CCDC171: variants seen among roughly 807,000 people sequenced by gnomAD.
CCDC171 encodes coiled-coil domain-containing protein 171.
CCDC171 carries 177 observed loss-of-function variants against 168.2 expected under a neutral mutation model. The observed-to-expected ratio is 1.05, with a 90% CI of 0.93 to 1.19. CCDC171 has a LOEUF of 1.19. CCDC171 is among the 50% of genes most tolerant of loss of function. The probability of loss-of-function intolerance (pLI) is 0.00; values close to 1 mark genes in which losing one functional copy is unlikely to be tolerated. For missense variants in CCDC171, 1,991 were observed against 1,539.0 expected, an observed-to-expected ratio of 1.29 and a Z score of -4.91; for synonymous variants, 687 against 540.8, an observed-to-expected ratio of 1.27 and a Z score of -3.75.
chr9:15,695,209 T>C (rs750194955), intron 10 of CCDC171, 26 bp from the exon 11 acceptor site: 14 of 1,479,830 alleles, frequency 9.5e-6, no homozygotes, highest in Admixed American at 5.0e-5. Context: ...CGTGACCTTA[T>C]GTGTAATTTT....
At chr9:16,076,167 C>T in the CCDC171 span, among the ~76,000 whole-genome samples, 94 of 152,270 alleles carry the variant, frequency 6.2e-4, no homozygotes, top group Non-Finnish European at 1.1e-3. Context: ...AGGGCTTGAG[C>T]GTTGCTCTGC....
intron 3 of CCDC171, among the ~76,000 whole-genome samples, chr9:15,995,185 C>T (rs547423099): frequency 3.1e-4 from 47 of 152,256 alleles, no homozygotes; most frequent in African/African-American, 1.0e-3. Context: ...ACCCTAGGCA[C>T]ATGGTTGAAT....
chr9:15,705,382 T>A (rs1404101327), intron 11 of CCDC171, among the ~76,000 whole-genome samples: 1 of 152,188 alleles, frequency 6.6e-6, no homozygotes, highest in Non-Finnish European at 1.5e-5. Flanking sequence ...ATCAATGGCT[T>A]GCTTATTTTT....
chr9:16,009,146 C>G (rs568879422), intron 3 of CCDC171, among the ~76,000 whole-genome samples: 1 of 152,224 alleles, frequency 6.6e-6, no homozygotes, highest in Non-Finnish European at 1.5e-5. Flanking sequence ...TCCTCTTTAT[C>G]TCTCTCTGCT....
At chr9:15,929,483 A>G (rs1826254592) in intron 25 of CCDC171, among the ~76,000 whole-genome samples, 1 of 151,696 alleles carries the variant, frequency 6.6e-6, no homozygotes, top group Non-Finnish European at 1.5e-5. Flanking sequence ...CTTTGCCTGC[A>G]TTGCTTGTCT....
Position 15,997,496 on chromosome 9 carries a change from G to A in CCDC171, n.369-23093G>A, listed in dbSNP as rs116299589. Among the ~76,000 whole-genome samples the A allele has an allele frequency of 6.4e-3, 975 of 152,314 alleles. 15 individuals are homozygous for A. Among genetic ancestry groups the A allele is most frequent in the African/African-American group, 0.022 (901 of 41,568 alleles). On this transcript the variant is annotated intron_variant and non_coding_transcript_variant, in intron 3 of 9. Coordinates refer to the CCDC171 transcript ENST00000486641. Reference sequence around the variant, plus strand: ...CCACCTGCTTGGCTGCCAGAGTCCAGATCCACTTCTCTATACAGTTTCAGG... The same window carrying A: ...CCACCTGCTTGGCTGCCAGAGTCCAAATCCACTTCTCTATACAGTTTCAGG...
At chr9:15,791,292 C>T (rs532767021) in intron 21 of CCDC171, among the ~76,000 whole-genome samples, 1 of 152,046 alleles carries the variant, frequency 6.6e-6, no homozygotes, top group African/African-American at 2.4e-5. Context: ...GTTTGTAGTT[C>T]TCCTTGAAGA....
Position 15,666,301 on chromosome 9 carries a change from G to C in CCDC171, c.1054G>C (p.Glu352Gln). 1 of 1,609,804 alleles carries C rather than the reference G, an allele frequency of 6.2e-7. No individual in the cohort carries two copies. Among genetic ancestry groups the C allele is most frequent in the East Asian group, 2.2e-5 (1 of 44,800 alleles). Reference protein sequence around the residue: ...AYEREKHNAQESFAKLNLLEK... With the variant: ...AYEREKHNAQQSFAKLNLLEK... Reference sequence around the variant, plus strand: ...TGAGCGAGAAAAGCATAATGCACAAGAGAGCTTTGCAAAACTAAATTTGTA... The same window carrying C: ...TGAGCGAGAAAAGCATAATGCACAACAGAGCTTTGCAAAACTAAATTTGTA... The change falls in exon 9 of 26, where the codon GAG becomes CAG. Residue 352 changes from glutamate (E) to glutamine (Q), a missense_variant. Transcript: ENST00000380701.
chr9:16,002,642 G>A (rs1832586848), intron 3 of CCDC171, among the ~76,000 whole-genome samples: 1 of 152,178 alleles, frequency 6.6e-6, no homozygotes, highest in Admixed American at 6.5e-5. Context: ...TTGTAGCTAA[G>A]TGTACAGTGT....
chr9:15,632,553 T>C (rs2045813295), intron 7 of CCDC171, among the ~76,000 whole-genome samples: 2 of 152,136 alleles, frequency 1.3e-5, no homozygotes, highest in Non-Finnish European at 1.5e-5. Context: ...CATTCCATGC[T>C]CATGGGTAGG....
chr9:15,963,335 A>C (rs575823454), intron 25 of CCDC171, among the ~76,000 whole-genome samples: 1 of 152,226 alleles, frequency 6.6e-6, no homozygotes, highest in Non-Finnish European at 1.5e-5. Context: ...GTGTGTGAAA[A>C]AAAATCACTC....
At chr9:15,837,004 A>C (rs1588764785) in intron 21 of CCDC171, among the ~76,000 whole-genome samples, 1 of 152,338 alleles carries the variant, frequency 6.6e-6, no homozygotes, top group African/African-American at 2.4e-5. Context: ...GTAACTTGAC[A>C]TTTTAACATC....
chr9:15,912,215 C>G (rs887930329), intron 24 of CCDC171, among the ~76,000 whole-genome samples: 3 of 152,130 alleles, frequency 2.0e-5, no homozygotes, highest in African/African-American at 7.2e-5. Flanking sequence ...TGTGTCCTTT[C>G]TTATTTCCTT....
chr9:15,588,183 C>A (rs989569170), intron 4 of CCDC171, among the ~76,000 whole-genome samples: 3 of 152,036 alleles, frequency 2.0e-5, no homozygotes, highest in Non-Finnish European at 4.4e-5. Flanking sequence ...TGCAGTGAGC[C>A]GAGATTGCGC....
chr9:16,006,881 G>A (rs994071991), intron 3 of CCDC171, among the ~76,000 whole-genome samples: 17 of 152,198 alleles, frequency 1.1e-4, no homozygotes, highest in African/African-American at 2.9e-4. Context: ...GAATAGTACC[G>A]CAATAAACAT....
At chr9:15,621,318 T>C (rs1443269621) in intron 6 of CCDC171, among the ~76,000 whole-genome samples, 1 of 152,220 alleles carries the variant, frequency 6.6e-6, no homozygotes, top group African/African-American at 2.4e-5. Flanking sequence ...TATAATGCTA[T>C]TGCACACTTA....
At chr9:15,635,584 G>A (rs982709928) in intron 7 of CCDC171, among the ~76,000 whole-genome samples, 4 of 152,106 alleles carry the variant, frequency 2.6e-5, no homozygotes, top group Admixed American at 2.6e-4. Flanking sequence ...CTGAGGGTAG[G>A]CTGCCTCTCC....
chr9:16,071,153 A>G, the CCDC171 span, among the ~76,000 whole-genome samples: 6 of 152,168 alleles, frequency 3.9e-5, no homozygotes, highest in African/African-American at 1.4e-4. Context: ...GAGAGAGGAG[A>G]TGGAGTTCCG....
intron 24 of CCDC171, among the ~76,000 whole-genome samples, chr9:15,909,238 T>A (rs963195065): frequency 1.3e-5 from 2 of 152,210 alleles, no homozygotes; most frequent in African/African-American, 4.8e-5. Context: ...CAAGCCTAAC[T>A]GTAGTTGGTG....
Sources: allele counts gnomAD v4.1 joint callset (sites outside exome capture counted in the v4.1 genomes callset), GRCh38; gene constraint gnomAD v4.1.1; transcripts MANE v1.5; gene names NCBI Gene and HGNC (gene_info 2026-07-23, HGNC 2026-07-21).